KDM4B: variants seen among roughly 807,000 people sequenced by gnomAD.
The protein encoded by KDM4B is lysine-specific demethylase 4B.
KDM4B carries 32 observed loss-of-function variants against 125.2 expected under a neutral mutation model. The ratio of observed to expected loss-of-function variants is 0.26; its 90% CI spans 0.19 to 0.34. The LOEUF (loss-of-function observed/expected upper bound fraction) is 0.34, where lower values mean the gene tolerates loss of function less well. Ranked by LOEUF, KDM4B falls within the 10% of genes least tolerant of loss-of-function variation. KDM4B has a pLI of 1.00. For missense variants in KDM4B, 1,190 were observed against 1,577.7 expected (o/e 0.75, Z 4.16); for synonymous variants, 721 against 677.9 (o/e 1.06, Z -0.99).
In KDM4B at chr19:5,082,023, A is replaced by C. The variant is rs1206467550; in HGVS notation, c.781-344A>C. Among the ~76,000 whole-genome samples, 2 of 152,076 alleles carry C rather than the reference A, an allele frequency of 1.3e-5. No homozygotes were observed. The highest frequency in any genetic ancestry group is 2.9e-5 in the Non-Finnish European group (2 of 67,986). The stretch of plus-strand genomic sequence containing the variant: ...TGAAGGTCCGGCTGGAGACACCCCC[A>C]CGGGCATTGTGTCCAGCCACGGCTC... On this transcript the variant is annotated intron_variant, in intron 8 of 22. Transcript: ENST00000159111. This position sits in a 1 kb window ranked among gnomAD's most constrained non-coding sequence, Gnocchi z 5.4.
intron 6 of KDM4B, among the ~76,000 whole-genome samples, chr19:5,052,219 T>A (rs2145729356): frequency 6.6e-6 from 1 of 152,300 alleles, no homozygotes; most frequent in South Asian, 2.1e-4. Flanking sequence ...GCATCTTTTC[T>A]TCTTGCTGCC....
intron 9 of KDM4B, among the ~76,000 whole-genome samples, chr19:5,093,425 C>T (rs2038751862): frequency 6.6e-6 from 1 of 152,148 alleles, no homozygotes; most frequent in East Asian, 1.9e-4. Flanking sequence ...CCAGGAATGG[C>T]CCCGCAGCCG....
chr19:5,137,972 G>C lies in KDM4B; in HGVS notation c.2452G>C (p.Val818Leu). 1 of 1,612,186 alleles carries C rather than the reference G, an allele frequency of 6.2e-7. No homozygotes were observed. Among genetic ancestry groups the C allele is most frequent in the Non-Finnish European group, 8.5e-7 (1 of 1,179,746 alleles). ...CACCTGCCCTCCCAGGTGGATCCAC[G>C]TGATCTGTGCCATCGCAGTCCCCGA... is the stretch of plus-strand genomic sequence containing the variant. ...QMTTDRRWIH[V>L]ICAIAVPEAR... Residue 818 changes from valine (V) to leucine (L), a missense_variant, in exon 18 of 23, where the codon GTG becomes CTG. By Grantham distance (32) the Val-to-Leu change is conservative. Around this residue, in one of 7 missense-constraint regions of KDM4B, gnomAD observed 298 missense variants for 439.7 expected, o/e 0.68. Coordinates refer to ENST00000159111, the MANE Select transcript of KDM4B (RefSeq NM_015015.3).
chr19:5,089,238 C>T (rs1312760709), intron 9 of KDM4B, among the ~76,000 whole-genome samples: 1 of 152,180 alleles, frequency 6.6e-6, no homozygotes, highest in Admixed American at 6.5e-5. Flanking sequence ...CTCAGCAAAT[C>T]AGGAACAGTA....
In KDM4B at chr19:4,971,324, C is replaced by T. The variant is rs936970679; in HGVS notation, c.-109+2094C>T. On this transcript the variant is annotated intron_variant, in intron 1 of 22. Coordinates refer to ENST00000159111, the MANE Select transcript of KDM4B (RefSeq NM_015015.3). This position sits in a 1 kb window ranked among gnomAD's most constrained non-coding sequence, Gnocchi z 4.1. ...GCCCTGTCTTCAGTCCCTGTCCCGT[C>T]CTGCAGGAGCCCTCTGGGGTGGCCA... Among the ~76,000 whole-genome samples, 1 of 152,164 alleles carries T rather than the reference C, an allele frequency of 6.6e-6. No homozygotes were observed. The highest frequency in any genetic ancestry group is 2.4e-5 in the African/African-American group (1 of 41,440).
At chr19:5,048,043 A>G (rs531038657) in intron 6 of KDM4B, among the ~76,000 whole-genome samples, 2 of 152,290 alleles carry the variant, frequency 1.3e-5, no homozygotes, top group South Asian at 2.1e-4. Context: ...GACACTGTCC[A>G]TGCTGCCCAG....
intron 5 of KDM4B, among the ~76,000 whole-genome samples, chr19:5,045,687 A>C (rs186476039): frequency 1.2e-4 from 18 of 151,940 alleles, no homozygotes; most frequent in South Asian, 4.2e-4. Context: ...GTTGGCCAGG[A>C]TGGTCTCAAT....
intron 9 of KDM4B, among the ~76,000 whole-genome samples, chr19:5,104,825 C>A (rs905284206): frequency 1.3e-5 from 2 of 152,180 alleles, no homozygotes; most frequent in Non-Finnish European, 2.9e-5. Context: ...TCAGCAAACC[C>A]GGGAGAACCA....
At chr19:5,075,335 C>CT (rs2038072035) in intron 7 of KDM4B, 1 of 152,304 alleles carries the variant, frequency 6.6e-6, no homozygotes, top group African/African-American at 2.4e-5. Context: ...GTGTTGCACA[C>CT]TGAGGGGCGT....
At chr19:5,074,354 CTT>C (rs928416442) in intron 7 of KDM4B, 15 of 152,186 alleles carry the variant, frequency 9.9e-5, no homozygotes, top group African/African-American at 3.4e-4. Context: ...CTCCCAGACT[CTT>C]TTTGGGGCAG....
intron 9 of KDM4B, among the ~76,000 whole-genome samples, chr19:5,102,676 C>T (rs1028603601): frequency 2.0e-5 from 3 of 152,164 alleles, no homozygotes; most frequent in Admixed American, 6.5e-5. Flanking sequence ...CCCTCAGGCT[C>T]TCCCTTCACC....
intron 9 of KDM4B, among the ~76,000 whole-genome samples, chr19:5,085,699 G>T (rs574150350): frequency 4.7e-4 from 72 of 152,166 alleles, no homozygotes; most frequent in Non-Finnish European, 9.0e-4. Context: ...CCCCTGCTCA[G>T]GCACCCCTGG....
intron 2 of KDM4B, among the ~76,000 whole-genome samples, chr19:5,028,836 G>A (rs564141741): frequency 5.3e-5 from 8 of 152,316 alleles, no homozygotes; most frequent in African/African-American, 1.9e-4. Context: ...GTGCTGCTGG[G>A]CACCTTTTCA....
intron 3 of KDM4B, among the ~76,000 whole-genome samples, chr19:5,038,552 C>A (rs1339515162): frequency 6.6e-6 from 1 of 152,242 alleles, no homozygotes; most frequent in Non-Finnish European, 1.5e-5. Flanking sequence ...AGGTGCTGGT[C>A]CTTGTCTTCC....
At chr19:5,048,355 C>T (rs1236166209) in intron 6 of KDM4B, among the ~76,000 whole-genome samples, 3 of 152,208 alleles carry the variant, frequency 2.0e-5, no homozygotes, top group Non-Finnish European at 2.9e-5. Context: ...AGTATGCATG[C>T]GTGTGTGTGC....
intron 1 of KDM4B, among the ~76,000 whole-genome samples, chr19:4,985,532 G>A (rs2034797617): frequency 6.6e-6 from 1 of 152,256 alleles, no homozygotes; most frequent in Non-Finnish European, 1.5e-5. Context: ...GATGCTGCTG[G>A]GTGACAGGCA....
chr19:5,023,792 G>A (rs888056925), intron 2 of KDM4B, among the ~76,000 whole-genome samples: 2 of 145,444 alleles, frequency 1.4e-5, no homozygotes, highest in East Asian at 2.0e-4. Flanking sequence ...TTGAGACAGG[G>A]TCTCACTCTG....
intron 14 of KDM4B, 128 bp from the exon 15 acceptor site, chr19:5,135,210 TC>T: frequency 1.6e-6 from 1 of 633,156 alleles, no homozygotes; most frequent in Non-Finnish European, 2.8e-6. Flanking sequence ...TCTGGCCATC[TC>T]CCCGACCTCC....
intron 6 of KDM4B, among the ~76,000 whole-genome samples, chr19:5,068,310 G>T (rs141033750): frequency 4.6e-5 from 7 of 152,140 alleles, no homozygotes; most frequent in African/African-American, 1.7e-4. Flanking sequence ...GCTTCAGTCC[G>T]CCAGTTCCAT....
Sources: allele counts gnomAD v4.1 joint callset (sites outside exome capture counted in the v4.1 genomes callset), GRCh38; gene constraint gnomAD v4.1.1; regional missense constraint gnomAD v4.1.1; non-coding constraint Gnocchi (gnomAD v3.1); transcripts MANE v1.5; gene names NCBI Gene and HGNC (gene_info 2026-07-23, HGNC 2026-07-21).